Variants in SLC35F1 observed in about 807,000 individuals in gnomAD.
The protein encoded by SLC35F1 is solute carrier family 35 member F1, also known as chromosome 6 open reading frame 169.
A neutral mutation model predicts 48.7 loss-of-function variants in SLC35F1; 14 were observed. That is an observed-to-expected ratio of 0.29 (90% confidence interval 0.19 to 0.45). The LOEUF (loss-of-function observed/expected upper bound fraction) is 0.45, where lower values mean the gene tolerates loss of function less well. Among genes scored for constraint, SLC35F1 ranks in the 20% least tolerant of loss-of-function variants. The pLI, the probability that SLC35F1 is intolerant of heterozygous loss-of-function variation, is 1.00. For synonymous variants in SLC35F1, 190 were observed against 202.2 expected (o/e 0.94, Z 0.51); for missense variants, 404 against 500.0 (o/e 0.81, Z 1.83).
intron 2 of SLC35F1, among the ~76,000 whole-genome samples, chr6:118,163,915 T>C (rs1480857379): frequency 6.6e-6 from 1 of 152,264 alleles, no homozygotes; most frequent in Non-Finnish European, 1.5e-5. Context: ...GACTCAGCAG[T>C]TAGCCATCTT....
In SLC35F1 at chr6:118,183,689, A is replaced by C. The variant is rs1051005244; in HGVS notation, c.349+29069A>C. On this transcript the variant is annotated intron_variant, in intron 2 of 7. Coordinates refer to ENST00000360388, the MANE Select transcript of SLC35F1 (RefSeq NM_001029858.4). ...CTCTTGTTACCTAGGATCTCAAACT[A>C]GGTAATTCAAGAAGCTCCAACCTAG... is the stretch of plus-strand genomic sequence containing the variant. 2.0e-5 allele frequency among the ~76,000 whole-genome samples: 3 copies of C among 152,094 alleles called. No individual in the cohort carries two copies. The East Asian group carries it at 5.8e-4, about 29-fold the overall frequency.
intron 1 of SLC35F1, among the ~76,000 whole-genome samples, chr6:117,971,568 C>T (rs1490149462): frequency 6.6e-6 from 1 of 152,278 alleles, no homozygotes; most frequent in Non-Finnish European, 1.5e-5. Context: ...ATGAGGGGTC[C>T]ACCCCTGCAG....
chr6:118,310,514 C>CT (rs1042711779), intron 7 of SLC35F1, among the ~76,000 whole-genome samples: 10 of 151,158 alleles, frequency 6.6e-5, no homozygotes, highest in South Asian at 4.2e-4. Context: ...ACTTTTTTTA[C>CT]TTTTTTTTTA....
Position 118,154,586 on chromosome 6 carries a change from C to T in SLC35F1, c.315C>T (p.Phe105=). ...GTTTCCTCAATTACATTCTTCTCTT[C>T]TTGGTCTATACCACCACACTAGCCG... ...FQSFLNYILL[F]LVYTTTLAVR... is the part of the protein sequence containing the mutation. The change falls in exon 2 of 8, where the codon TTC becomes TTT. Residue 105 remains phenylalanine (F), a synonymous_variant. Transcript: ENST00000360388. 1.9e-6 allele frequency: 3 copies of T among 1,613,950 alleles called. No individual in the cohort carries two copies. The highest frequency in any genetic ancestry group is 2.5e-6 in the Non-Finnish European group (3 of 1,179,918).
intron 1 of SLC35F1, among the ~76,000 whole-genome samples, chr6:118,036,634 T>C (rs1437787566): frequency 6.6e-6 from 1 of 152,162 alleles, no homozygotes; most frequent in Admixed American, 6.5e-5. Context: ...CATGGCTCAC[T>C]GCAGCCTCCA....
At chr6:117,980,969 A>G (rs181455133) in intron 1 of SLC35F1, among the ~76,000 whole-genome samples, 1 of 152,182 alleles carries the variant, frequency 6.6e-6, no homozygotes, top group Non-Finnish European at 1.5e-5. Flanking sequence ...GGGAAAAAAA[A>G]CCCTCAAAAT....
chr6:117,939,017 T>TC (rs1219806027), intron 1 of SLC35F1, among the ~76,000 whole-genome samples: 2 of 150,568 alleles, frequency 1.3e-5, no homozygotes, highest in Non-Finnish European at 1.5e-5. Flanking sequence ...TCTTTTTTTT[T>TC]TTTTTTTTCC....
chr6:117,994,054 G>A (rs570125986), intron 1 of SLC35F1, among the ~76,000 whole-genome samples: 1 of 152,156 alleles, frequency 6.6e-6, no homozygotes, highest in South Asian at 2.1e-4. Flanking sequence ...AGGCGCTAGG[G>A]GAGAATCCAC....
intron 1 of SLC35F1, among the ~76,000 whole-genome samples, chr6:118,120,998 T>C (rs534141198): frequency 2.6e-5 from 4 of 152,204 alleles, no homozygotes; most frequent in African/African-American, 9.6e-5. Context: ...CAGAAATATA[T>C]ATATTTTTTT....
At position 118,221,313 on chromosome 6, in the gene SLC35F1, A is replaced by G. The variant is rs573678207; in HGVS notation, c.350-14196A>G. ...CAGGGAACAACTTGGCCCGCAGCAC[A>G]AGGGCAAGGCACCTCCGCAAAAACA... On this transcript the variant is annotated intron_variant, in intron 2 of 7. Coordinates refer to ENST00000360388, the MANE Select transcript of SLC35F1 (RefSeq NM_001029858.4). Among the ~76,000 whole-genome samples the G allele has an allele frequency of 1.4e-4, 22 of 152,298 alleles. No individual in the cohort carries two copies. In the Middle Eastern group the frequency reaches 0.02, roughly 141 times the overall value.
chr6:118,247,723 C>A (rs1420668555), intron 3 of SLC35F1, among the ~76,000 whole-genome samples: 4 of 147,598 alleles, frequency 2.7e-5, no homozygotes, highest in Non-Finnish European at 5.9e-5. Flanking sequence ...TACTTAAATT[C>A]TTAGAACCAA....
chr6:118,244,212 T>A (rs1411140669), intron 3 of SLC35F1, among the ~76,000 whole-genome samples: 1 of 152,234 alleles, frequency 6.6e-6, no homozygotes, highest in Non-Finnish European at 1.5e-5. Context: ...TCTCCATGAC[T>A]GCCTACCACA....
At chr6:118,223,723 G>A (rs1048084509) in intron 2 of SLC35F1, among the ~76,000 whole-genome samples, 12 of 152,218 alleles carry the variant, frequency 7.9e-5, no homozygotes, top group Admixed American at 3.9e-4. Flanking sequence ...CTTCTGGCCC[G>A]TTGACACTCC....
chr6:117,913,002 G>T (rs1223014789), intron 1 of SLC35F1, among the ~76,000 whole-genome samples: 1 of 152,190 alleles, frequency 6.6e-6, no homozygotes, highest in African/African-American at 2.4e-5. Flanking sequence ...CAATTGAGCT[G>T]CTGCTCATAT....
At chr6:117,932,958 A>C (rs1405417953) in intron 1 of SLC35F1, among the ~76,000 whole-genome samples, 1 of 152,236 alleles carries the variant, frequency 6.6e-6, no homozygotes, top group Non-Finnish European at 1.5e-5. Context: ...AGTGATAACA[A>C]AACAAGTTTC....
intron 2 of SLC35F1, among the ~76,000 whole-genome samples, chr6:118,172,529 T>C (rs1774421846): frequency 6.6e-6 from 1 of 152,120 alleles, no homozygotes; most frequent in Non-Finnish European, 1.5e-5. Flanking sequence ...CTGTGTAAAT[T>C]AGCAGCATGG....
At chr6:118,007,277 C>A (rs371599642) in intron 1 of SLC35F1, among the ~76,000 whole-genome samples, 4 of 152,106 alleles carry the variant, frequency 2.6e-5, no homozygotes, top group Non-Finnish European at 4.4e-5. Context: ...CCTCTTAATC[C>A]GCTATTCATG....
At chr6:118,000,710 A>G (rs1158645554) in intron 1 of SLC35F1, among the ~76,000 whole-genome samples, 2 of 152,198 alleles carry the variant, frequency 1.3e-5, no homozygotes, top group African/African-American at 4.8e-5. Context: ...CCATTGTCTC[A>G]GCTCAAAATC....
At chr6:117,986,878 C>T (rs1158773385) in intron 1 of SLC35F1, among the ~76,000 whole-genome samples, 4 of 152,282 alleles carry the variant, frequency 2.6e-5, no homozygotes, top group Non-Finnish European at 5.9e-5. Context: ...CTGTGTTGGG[C>T]CTCTTAGGCT....
Sources: allele counts gnomAD v4.1 joint callset (sites outside exome capture counted in the v4.1 genomes callset), GRCh38; gene constraint gnomAD v4.1.1; transcripts MANE v1.5; gene names NCBI Gene and HGNC (gene_info 2026-07-23, HGNC 2026-07-21).